C16orf78: variants seen among roughly 807,000 people sequenced by gnomAD.
The protein encoded by C16orf78 is uncharacterized protein C16orf78.
Under a neutral mutation model 27.3 loss-of-function variants are expected in C16orf78, and 19 were observed. The ratio of observed to expected loss-of-function variants is 0.70; its 90% CI spans 0.49 to 1.02. The LOEUF is 1.02. Among genes scored for constraint, C16orf78 ranks in the 50% least tolerant of loss-of-function variants. C16orf78 has a pLI of 0.00. For missense variants in C16orf78, 339 were observed against 337.0 expected (o/e 1.01, Z -0.05); for synonymous variants, 130 against 116.1 (o/e 1.12, Z -0.77).
intron 4 of C16orf78, among the ~76,000 whole-genome samples, chr16:49,398,598 C>T (rs1015642443): frequency 6.6e-6 from 1 of 152,216 alleles, no homozygotes; most frequent in African/African-American, 2.4e-5. Flanking sequence ...ATGACAGTGA[C>T]AAATCACGTA....
intron 3 of C16orf78, among the ~76,000 whole-genome samples, chr16:49,387,366 C>A (rs146484064): frequency 6.6e-6 from 1 of 152,150 alleles, no homozygotes; most frequent in African/African-American, 2.4e-5. Flanking sequence ...TTGTCAGATG[C>A]ATAGTTTGAA....
chr16:49,376,226 C>T (rs865949540), intron 1 of C16orf78, among the ~76,000 whole-genome samples: 18 of 152,212 alleles, frequency 1.2e-4, no homozygotes, highest in African/African-American at 3.9e-4. Flanking sequence ...CCAGGCTCTT[C>T]CCCCAACAGA....
intron 3 of C16orf78, among the ~76,000 whole-genome samples, chr16:49,385,401 AG>A (rs1965336549): frequency 6.6e-6 from 1 of 152,200 alleles, no homozygotes; most frequent in Admixed American, 6.5e-5. Context: ...GGCCAGGCAC[AG>A]TGGCTCATGC....
intron 3 of C16orf78, among the ~76,000 whole-genome samples, chr16:49,384,867 C>A (rs1034346041): frequency 6.6e-6 from 1 of 152,166 alleles, no homozygotes; most frequent in Non-Finnish European, 1.5e-5. Context: ...AGAAACCTTG[C>A]ACATCAGGAG....
chr16:49,399,087 G>C (rs755470671), intron 4 of C16orf78, 44 bp from the exon 5 acceptor site: 2 of 1,600,222 alleles, frequency 1.2e-6, no homozygotes, highest in East Asian at 4.5e-5. Flanking sequence ...AGAAGCTGCT[G>C]TGACTCCACC....
chr16:49,377,961 G>A (rs375204976), intron 2 of C16orf78, 111 bp downstream of exon 2: 45 of 1,383,078 alleles, frequency 3.3e-5, no homozygotes, highest in South Asian at 8.7e-5. Flanking sequence ...TCAAGGCTCC[G>A]AAATTCACTC....
chr16:49,384,484 A>G (rs1180663652), intron 3 of C16orf78, among the ~76,000 whole-genome samples: 3 of 152,076 alleles, frequency 2.0e-5, no homozygotes, highest in Non-Finnish European at 4.4e-5. Context: ...AAGACATGTC[A>G]TTTGAAATTA....
At chr16:49,393,740 T>G (rs1338609443) in intron 3 of C16orf78, among the ~76,000 whole-genome samples, 7 of 152,060 alleles carry the variant, frequency 4.6e-5, no homozygotes, top group Non-Finnish European at 1.0e-4. Context: ...TATTAAATAC[T>G]GGCTGGGATT....
In C16orf78 at chr16:49,374,014, T is replaced by A; in HGVS notation, c.75T>A (p.Asp25Glu). The change falls in exon 1 of 5, where the codon GAT becomes GAA. Residue 25 changes from aspartate to glutamate, a missense_variant. Coordinates refer to ENST00000299191, the MANE Select transcript of C16orf78 (RefSeq NM_144602.4). Reference sequence around the variant, plus strand: ...AATACATGTGGAAGACTGCTGAAGATAGGCGCATGTCTGACCTCACCTGTG... The same window carrying A: ...AATACATGTGGAAGACTGCTGAAGAAAGGCGCATGTCTGACCTCACCTGTG... ...KRKYMWKTAE[D>E]RRMSDLTCVL... 6.2e-7 allele frequency: 1 copy of A among 1,614,152 alleles called. No individual in the cohort carries two copies. The highest frequency in any genetic ancestry group is 1.3e-5 in the African/African-American group (1 of 75,022).
intron 3 of C16orf78, among the ~76,000 whole-genome samples, chr16:49,394,070 T>G (rs969469755): frequency 1.3e-5 from 2 of 152,060 alleles, no homozygotes; most frequent in Non-Finnish European, 2.9e-5. Context: ...GGTTGAAAAA[T>G]AATTAACATT....
intron 3 of C16orf78, among the ~76,000 whole-genome samples, chr16:49,382,024 A>G (rs1249029262): frequency 6.6e-6 from 1 of 152,168 alleles, no homozygotes; most frequent in Non-Finnish European, 1.5e-5. Flanking sequence ...CAAATGTCCA[A>G]CAATGATAGA....
intron 3 of C16orf78, among the ~76,000 whole-genome samples, chr16:49,390,413 T>C (rs1596929142): frequency 6.6e-6 from 1 of 152,194 alleles, no homozygotes; most frequent in African/African-American, 2.4e-5. Flanking sequence ...CATCTTTCAG[T>C]CTTTTCTCTT....
In C16orf78 at chr16:49,399,138, A is replaced by T. The variant is rs761871445; in HGVS notation, c.658A>T (p.Arg220Trp). 1 of 1,613,982 alleles carries T rather than the reference A, an allele frequency of 6.2e-7. No homozygotes were observed. Among genetic ancestry groups the T allele is most frequent in the Admixed American group, 1.7e-5 (1 of 60,020 alleles). ...TTGCCTTCTCTTGAACAGATACCTGAGGTTATCCAAGGAGAACATTCGGAC... is the reference window on the plus strand; with the variant it reads ...TTGCCTTCTCTTGAACAGATACCTGTGGTTATCCAAGGAGAACATTCGGAC... ...PEEVLSCRYL[R>W]LSKENIRTLL... The change falls in exon 5 of 5, where the codon AGG becomes TGG. Residue 220 changes from arginine (R) to tryptophan (W), a missense_variant. Transcript: ENST00000299191.
At chr16:49,397,582 C>A (rs1965489250) in intron 4 of C16orf78, among the ~76,000 whole-genome samples, 1 of 152,156 alleles carries the variant, frequency 6.6e-6, no homozygotes, top group Admixed American at 6.5e-5. Flanking sequence ...TTGGCCCTGG[C>A]TTTCAGATGG....
chr16:49,381,402 A>G (rs868113859), intron 3 of C16orf78, among the ~76,000 whole-genome samples: 37 of 152,284 alleles, frequency 2.4e-4, no homozygotes, highest in Middle Eastern at 6.8e-3. Flanking sequence ...GCAATTGTGA[A>G]TGGGAGTTCA....
intron 3 of C16orf78, among the ~76,000 whole-genome samples, chr16:49,386,162 T>G (rs896353467): frequency 1.3e-5 from 2 of 152,058 alleles, no homozygotes; most frequent in Non-Finnish European, 2.9e-5. Flanking sequence ...ACATAACAAC[T>G]GAAATATTTA....
chr16:49,373,904 G>A lies in C16orf78; in HGVS notation c.-36G>A. The A allele has an allele frequency of 6.2e-7, 1 of 1,612,046 alleles. No individual in the cohort carries two copies. Among genetic ancestry groups the A allele is most frequent in the Non-Finnish European group, 8.5e-7 (1 of 1,178,992 alleles). The stretch of plus-strand genomic sequence containing the variant: ...GGATCGAAAGAGTGAGACAGTGCCA[G>A]CCACCTCCCACCCAAGCCACTAGCA... On this transcript the variant is annotated 5_prime_UTR_variant, in exon 1 of 5. Coordinates refer to ENST00000299191, the MANE Select transcript of C16orf78 (RefSeq NM_144602.4).
Position 49,399,123 on chromosome 16 carries a change from T to C in C16orf78, c.651-8T>C, listed in dbSNP as rs1567396240. Reference sequence around the variant, plus strand: ...TTCAACTGACCTCTTTTGCCTTCTCTTGAACAGATACCTGAGGTTATCCAA... The same window carrying C: ...TTCAACTGACCTCTTTTGCCTTCTCCTGAACAGATACCTGAGGTTATCCAA... On this transcript the variant is annotated splice_polypyrimidine_tract_variant and splice_region_variant and intron_variant, in intron 4 of 4. Coordinates refer to ENST00000299191, the MANE Select transcript of C16orf78 (RefSeq NM_144602.4). 1 of 1,613,790 alleles carries C rather than the reference T, an allele frequency of 6.2e-7. No individual in the cohort carries two copies. Among genetic ancestry groups the C allele is most frequent in the Admixed American group, 1.7e-5 (1 of 60,016 alleles).
chr16:49,381,503 G>A (rs533107750), intron 3 of C16orf78, among the ~76,000 whole-genome samples: 62 of 152,140 alleles, frequency 4.1e-4, no homozygotes, highest in African/African-American at 1.0e-3. Context: ...GAAAATTTTC[G>A]CAACCTACTC....
Sources: allele counts gnomAD v4.1 joint callset (sites outside exome capture counted in the v4.1 genomes callset), GRCh38; gene constraint gnomAD v4.1.1; transcripts MANE v1.5; gene names NCBI Gene and HGNC (gene_info 2026-07-23, HGNC 2026-07-21).